MAF: variants seen among roughly 807,000 people sequenced by gnomAD.
The protein encoded by MAF is transcription factor Maf.
Under a neutral mutation model 22.0 loss-of-function variants are expected in MAF, and 10 were observed. The observed-to-expected ratio is 0.45, with a 90% confidence interval of 0.28 to 0.77. The LOEUF (loss-of-function observed/expected upper bound fraction) is 0.77. Ranked by LOEUF, MAF falls within the 30% of genes least tolerant of loss-of-function variation. The pLI is 0.12. For synonymous variants in MAF, 337 were observed against 255.8 expected (o/e 1.32, Z -3.03); for missense variants, 544 against 548.4 (o/e 0.99, Z 0.08).
chr16:79,325,966 A>G, the MAF span, among the ~76,000 whole-genome samples: 1 of 152,208 alleles, frequency 6.6e-6, no homozygotes, highest in Admixed American at 6.5e-5. Context: ...ACATTGAACA[A>G]GGAGAGGCAG....
the MAF span, among the ~76,000 whole-genome samples, chr16:79,561,307 TTTTC>T: frequency 3.2e-4 from 47 of 147,680 alleles, no homozygotes; most frequent in Admixed American, 9.4e-4. Context: ...TAGTTTGAAG[TTTTC>T]TTTCTTTTTT....
chr16:79,296,618 A>T, the MAF span, among the ~76,000 whole-genome samples: 1 of 146,918 alleles, frequency 6.8e-6, no homozygotes, highest in East Asian at 2.5e-4. Flanking sequence ...TGTTTCAAAG[A>T]TTTGTAATTT....
chr16:79,328,588 C>T, the MAF span, among the ~76,000 whole-genome samples: 7 of 152,324 alleles, frequency 4.6e-5, no homozygotes, highest in Admixed American at 2.0e-4. Flanking sequence ...TAAAATCCCT[C>T]GAGCCGAGCT....
At chr16:79,493,379 A>G in the MAF span, among the ~76,000 whole-genome samples, 3 of 152,182 alleles carry the variant, frequency 2.0e-5, no homozygotes, top group African/African-American at 7.2e-5. Flanking sequence ...ATGGGGTTTC[A>G]CTATCTTGGC....
chr16:79,494,300 G>A, the MAF span, among the ~76,000 whole-genome samples: 1 of 152,134 alleles, frequency 6.6e-6, no homozygotes, highest in Non-Finnish European at 1.5e-5. Context: ...CCATTCACAG[G>A]GTTGGCAGAA....
the MAF span, among the ~76,000 whole-genome samples, chr16:79,564,260 C>A: frequency 1.3e-5 from 2 of 152,152 alleles, no homozygotes; most frequent in East Asian, 1.9e-4. Context: ...ATTTCTTGGT[C>A]CTAGGAAGTG....
the MAF span, among the ~76,000 whole-genome samples, chr16:79,502,000 T>A: frequency 6.6e-6 from 1 of 152,244 alleles, no homozygotes; most frequent in East Asian, 1.9e-4. Flanking sequence ...AACTTATTTC[T>A]TTCAACCATT....
the MAF span, among the ~76,000 whole-genome samples, chr16:79,549,161 G>C: frequency 6.6e-6 from 1 of 152,154 alleles, no homozygotes; most frequent in Non-Finnish European, 1.5e-5. Flanking sequence ...TGTTTCAAAG[G>C]ATGATGGTGA....
At chr16:79,548,296 G>GT in the MAF span, among the ~76,000 whole-genome samples, 10 of 151,978 alleles carry the variant, frequency 6.6e-5, no homozygotes, top group South Asian at 6.2e-4. Context: ...ATTGATGTCT[G>GT]TTTTTTCATT....
At chr16:79,427,886 C>T in the MAF span, among the ~76,000 whole-genome samples, 2 of 152,016 alleles carry the variant, frequency 1.3e-5, no homozygotes, top group Admixed American at 1.3e-4. Flanking sequence ...ACTTCAATGG[C>T]TGGAACCTAG....
chr16:79,212,734 A>AAAAG, the MAF span: 2 of 151,670 alleles, frequency 1.3e-5, no homozygotes, highest in African/African-American at 4.8e-5. Context: ...CATTTTTTAG[A>AAAAG]AAAGAAATCT....
chr16:79,500,522 T>C, the MAF span, among the ~76,000 whole-genome samples: 2 of 152,160 alleles, frequency 1.3e-5, no homozygotes, highest in Non-Finnish European at 2.9e-5. Context: ...GCCATCCTAC[T>C]CCTTCTTCTC....
chr16:79,449,816 C>T, the MAF span, among the ~76,000 whole-genome samples: 1 of 152,172 alleles, frequency 6.6e-6, no homozygotes, highest in Non-Finnish European at 1.5e-5. Flanking sequence ...GACTCAGATC[C>T]CCCAGGTAAC....
the MAF span, among the ~76,000 whole-genome samples, chr16:79,326,647 G>T: frequency 1.3e-5 from 2 of 151,782 alleles, no homozygotes; most frequent in Non-Finnish European, 2.9e-5. Flanking sequence ...TACGGTTTCT[G>T]TTGCAACTGT....
chr16:79,525,566 C>T, the MAF span, among the ~76,000 whole-genome samples: 1 of 152,160 alleles, frequency 6.6e-6, no homozygotes, highest in Non-Finnish European at 1.5e-5. Context: ...ATGTTAAACC[C>T]TTAAGATCCC....
chr16:79,533,360 C>T, the MAF span, among the ~76,000 whole-genome samples: 2 of 152,108 alleles, frequency 1.3e-5, no homozygotes, highest in African/African-American at 2.4e-5. Context: ...ATTTTATATA[C>T]AACTGAGTCA....
chr16:79,419,699 A>G, the MAF span, among the ~76,000 whole-genome samples: 7 of 152,164 alleles, frequency 4.6e-5, no homozygotes, highest in Non-Finnish European at 2.9e-5. Flanking sequence ...TTCATCACAG[A>G]TGCCACAATT....
chr16:79,257,813 G>T, the MAF span, among the ~76,000 whole-genome samples: 1 of 152,286 alleles, frequency 6.6e-6, no homozygotes, highest in African/African-American at 2.4e-5. Flanking sequence ...GTTGCTGTTA[G>T]TGAAAACTGG....
chr16:79,237,981 G>C, the MAF span, among the ~76,000 whole-genome samples: 1 of 152,050 alleles, frequency 6.6e-6, no homozygotes, highest in Non-Finnish European at 1.5e-5. Context: ...TCTTCCTCCT[G>C]ACTTGCTTCT....
Sources: allele counts gnomAD v4.1 joint callset (sites outside exome capture counted in the v4.1 genomes callset), GRCh38; gene constraint gnomAD v4.1.1; transcripts MANE v1.5; gene names NCBI Gene and HGNC (gene_info 2026-07-23, HGNC 2026-07-21).